Variants in TMEM177 observed in about 807,000 individuals in gnomAD.
TMEM177 encodes transmembrane protein 177.
TMEM177 carries 4 observed loss-of-function variants against 14.2 expected under a neutral mutation model. That is an observed-to-expected ratio of 0.28 (90% CI 0.14 to 0.64). TMEM177 has a LOEUF of 0.64. Ranked by LOEUF, TMEM177 falls within the 30% of genes least tolerant of loss-of-function variation. The pLI, the probability that TMEM177 is intolerant of heterozygous loss-of-function variation, is 0.82. For missense variants in TMEM177, 344 were observed against 405.2 expected (o/e 0.85, Z 1.30); for synonymous variants, 179 against 174.5 (o/e 1.03, Z -0.20).
chr2:119,696,323 A>C, the TMEM177 span, among the ~76,000 whole-genome samples: 2 of 152,200 alleles, frequency 1.3e-5, no homozygotes, highest in African/African-American at 4.8e-5. Context: ...CAGTAGGACT[A>C]GACCTGGGGA....
the TMEM177 span, among the ~76,000 whole-genome samples, chr2:119,697,952 A>G: frequency 6.6e-6 from 1 of 152,176 alleles, no homozygotes; most frequent in African/African-American, 2.4e-5. Flanking sequence ...GAGGTGGGGG[A>G]ACATAGGCAA....
At chr2:119,709,152 C>T in the TMEM177 span, among the ~76,000 whole-genome samples, 7 of 152,312 alleles carry the variant, frequency 4.6e-5, no homozygotes, top group Admixed American at 6.5e-5. Flanking sequence ...GTACCATGCG[C>T]GTCTCTTTCC....
the TMEM177 span, among the ~76,000 whole-genome samples, chr2:119,707,583 CTCT>C: frequency 4.6e-5 from 7 of 152,236 alleles, no homozygotes; most frequent in Non-Finnish European, 8.8e-5. Flanking sequence ...GAAATAATGG[CTCT>C]TCTGCCCCAA....
At chr2:119,715,189 T>C in the TMEM177 span, among the ~76,000 whole-genome samples, 2 of 151,994 alleles carry the variant, frequency 1.3e-5, no homozygotes, top group Non-Finnish European at 2.9e-5. Context: ...TCAAGACCAG[T>C]CTGGGCAACA....
At chr2:119,712,184 T>C in the TMEM177 span, among the ~76,000 whole-genome samples, 1 of 151,880 alleles carries the variant, frequency 6.6e-6, no homozygotes, top group South Asian at 2.1e-4. Flanking sequence ...CGTTTCTTTA[T>C]CTATAAAAAT....
chr2:119,706,027 A>ATTATATATTATATATTTT, the TMEM177 span, among the ~76,000 whole-genome samples: 20 of 141,852 alleles, frequency 1.4e-4, no homozygotes, highest in African/African-American at 5.3e-4. Context: ...ATATTTATAT[A>ATTATATATTATATATTTT]TATATATATT....
the TMEM177 span, among the ~76,000 whole-genome samples, chr2:119,698,332 A>G: frequency 2.0e-5 from 3 of 152,202 alleles, no homozygotes; most frequent in Non-Finnish European, 2.9e-5. Flanking sequence ...GGAAGAAACA[A>G]GAGAAGGCTA....
the TMEM177 span, among the ~76,000 whole-genome samples, chr2:119,708,584 A>C: frequency 1.3e-5 from 2 of 152,078 alleles, no homozygotes; most frequent in African/African-American, 4.8e-5. Flanking sequence ...CATTTGGTAG[A>C]TATGTCTCCT....
the TMEM177 span, among the ~76,000 whole-genome samples, chr2:119,718,546 T>G: frequency 6.6e-6 from 1 of 152,220 alleles, no homozygotes; most frequent in African/African-American, 2.4e-5. Flanking sequence ...TTTGCTACTT[T>G]CAAAGGAATG....
chr2:119,706,586 TC>T, the TMEM177 span, among the ~76,000 whole-genome samples: 2 of 152,210 alleles, frequency 1.3e-5, no homozygotes, highest in South Asian at 4.1e-4. Context: ...CCTTTTTTTT[TC>T]TTTTGTTGAC....
chr2:119,706,886 TTTTTA>T, the TMEM177 span, among the ~76,000 whole-genome samples: 11 of 151,858 alleles, frequency 7.2e-5, no homozygotes, highest in African/African-American at 2.7e-4. Context: ...GAGACTTGCC[TTTTTA>T]TTTTATTTAT....
intron 1 of TMEM177, among the ~76,000 whole-genome samples, chr2:119,679,823 G>A (rs1688849632): frequency 6.6e-6 from 1 of 152,180 alleles, no homozygotes; most frequent in African/African-American, 2.4e-5. Context: ...CTTGTAATTT[G>A]GCATAACAAG....
At chr2:119,709,875 TAG>T in the TMEM177 span, among the ~76,000 whole-genome samples, 1 of 152,108 alleles carries the variant, frequency 6.6e-6, no homozygotes, top group Non-Finnish European at 1.5e-5. Flanking sequence ...TCATGGTTGA[TAG>T]AGTCATCCAG....
the TMEM177 span, among the ~76,000 whole-genome samples, chr2:119,705,975 T>G: frequency 2.8e-5 from 2 of 71,730 alleles, no homozygotes; most frequent in Non-Finnish European, 6.4e-5. Context: ...GAATTCTGGC[T>G]CTCTCTCTCT....
At chr2:119,688,336 T>C (rs1057130515), downstream of TMEM177, among the ~76,000 whole-genome samples, 2 of 152,224 alleles carry the variant, frequency 1.3e-5, no homozygotes, top group African/African-American at 2.4e-5. Flanking sequence ...TAGCACTATA[T>C]ATATTTACGG....
the TMEM177 span, among the ~76,000 whole-genome samples, chr2:119,694,872 A>G: frequency 6.6e-6 from 1 of 152,198 alleles, no homozygotes; most frequent in South Asian, 2.1e-4. Context: ...CAGCCTGCTT[A>G]TATGCCACAC....
At chr2:119,708,670 CACACAT>C in the TMEM177 span, among the ~76,000 whole-genome samples, 2 of 149,994 alleles carry the variant, frequency 1.3e-5, no homozygotes, top group African/African-American at 2.5e-5. Flanking sequence ...CACACACACA[CACACAT>C]ACACACACAC....
At chr2:119,694,280 C>CCACA in the TMEM177 span, among the ~76,000 whole-genome samples, 20,431 of 149,692 alleles carry the variant, frequency 0.14, 1,414 homozygotes, top group Middle Eastern at 0.18. Context: ...GTGTGGTATA[C>CCACA]CACACACACA....
the TMEM177 span, among the ~76,000 whole-genome samples, chr2:119,708,724 C>T: frequency 1.3e-5 from 2 of 152,012 alleles, no homozygotes; most frequent in African/African-American, 2.4e-5. Flanking sequence ...GCCCACTTCT[C>T]ACATCACTCT....
Sources: gnomAD v4.1 joint callset for allele counts (sites outside exome capture counted in the v4.1 genomes callset) on GRCh38, gnomAD v4.1.1 for gene constraint, MANE v1.5 for transcripts, NCBI Gene and HGNC (gene_info 2026-07-23, HGNC 2026-07-21) for gene names.